Variants in TEX35 observed in about 807,000 individuals in gnomAD.
TEX35 encodes the protein testis expressed 35.
A neutral mutation model predicts 31.9 loss-of-function variants in TEX35; 26 were observed. The ratio of observed to expected loss-of-function variants is 0.81; its 90% confidence interval spans 0.60 to 1.13. The LOEUF (loss-of-function observed/expected upper bound fraction) is 1.13, where lower values mean the gene tolerates loss of function less well. Ranked by LOEUF, TEX35 falls within the 50% of genes most tolerant of loss-of-function variation. The probability of loss-of-function intolerance (pLI) is 0.00; values close to 1 mark genes in which losing one functional copy is unlikely to be tolerated. For missense variants in TEX35, 278 were observed against 273.5 expected, an observed-to-expected ratio of 1.02 and a Z score of -0.12; for synonymous variants, 87 against 90.7, an observed-to-expected ratio of 0.96 and a Z score of 0.23.
chr1:178,514,994 G>A (rs562429737), intron 3 of TEX35, among the ~76,000 whole-genome samples: 20 of 152,220 alleles, frequency 1.3e-4, no homozygotes, highest in Non-Finnish European at 2.4e-4. Flanking sequence ...GAAAGGGGAC[G>A]TTTTCTGGTC....
intron 1 of TEX35, 92 bp downstream of exon 1, chr1:178,513,319 G>C (rs562129769): frequency 6.0e-6 from 9 of 1,489,564 alleles, no homozygotes; most frequent in Non-Finnish European, 8.3e-6. Flanking sequence ...GAGAATGCTC[G>C]CATGAATCTC....
At chr1:178,521,580 T>TG (rs1199613465) in intron 8 of TEX35, 1 of 1,526,390 alleles carries the variant, frequency 6.6e-7, no homozygotes, top group Non-Finnish European at 8.9e-7. Context: ...ACACCAGGTC[T>TG]GGGCACCCTT....
chr1:178,520,805 G>A lies in TEX35; in HGVS notation c.474G>A (p.Lys158=). ...GVNGAPCALH[K]KTMAPQKTKQ... ...ATGGAGCACCCTGTGCTCTTCACAA[G>A]AAGACGATGGCACCACAAAAAACAA... The change falls in exon 7 of 9, where the codon AAG becomes AAA. Residue 158 remains lysine, a synonymous_variant. Transcript: ENST00000319416. The A allele has an allele frequency of 6.2e-7, 1 of 1,614,176 alleles. No homozygotes were observed. Among genetic ancestry groups the A allele is most frequent in the Non-Finnish European group, 8.5e-7 (1 of 1,180,044 alleles).
Position 178,515,842 on chromosome 1 carries a change from C to A in TEX35, c.160-17C>A. 1 of 1,603,948 alleles carries A rather than the reference C, an allele frequency of 6.2e-7. No homozygotes were observed. Among genetic ancestry groups the A allele is most frequent in the South Asian group, 1.1e-5 (1 of 89,846 alleles). Reference sequence around the variant, plus strand: ...GATATTTCTTTCCTCCTTCTCTTCTCCATTTTATTTCCTCAGAATGAACTC... The same window carrying A: ...GATATTTCTTTCCTCCTTCTCTTCTACATTTTATTTCCTCAGAATGAACTC... On this transcript the variant is annotated splice_polypyrimidine_tract_variant and intron_variant, in intron 3 of 8. Coordinates refer to ENST00000319416, the MANE Select transcript of TEX35 (RefSeq NM_032126.5).
intron 5 of TEX35, among the ~76,000 whole-genome samples, chr1:178,518,851 C>A (rs1650170951): frequency 6.6e-6 from 1 of 152,046 alleles, no homozygotes; most frequent in Non-Finnish European, 1.5e-5. Context: ...GCAGGGGAAC[C>A]CCTTAAGCAG....
chr1:178,513,287 T>A (rs375419821), intron 1 of TEX35, 60 bp downstream of exon 1: 348 of 1,603,012 alleles, frequency 2.2e-4, no homozygotes, highest in Non-Finnish European at 2.8e-4. Flanking sequence ...TGAATGGAGA[T>A]GGTGTCGGGG....
Position 178,520,443 on chromosome 1 carries a change from G to A in TEX35, c.341+7G>A. ...CACAGAAGAACTATAAGCTGTAAGT[G>A]TAACCTGCACTCGTCTCTCCTCATC... On this transcript the variant is annotated splice_region_variant and intron_variant, in intron 6 of 8. Transcript: ENST00000319416. 1 of 1,614,128 alleles carries A rather than the reference G, an allele frequency of 6.2e-7. No homozygotes were observed. Among genetic ancestry groups the A allele is most frequent in the Non-Finnish European group, 8.5e-7 (1 of 1,180,004 alleles).
chr1:178,522,104 A>T, intron 8 of TEX35: 1 of 696,350 alleles, frequency 1.4e-6, no homozygotes, highest in Non-Finnish European at 2.3e-6. Flanking sequence ...CGCTCCCTCC[A>T]CATAATCAGC....
intron 4 of TEX35, among the ~76,000 whole-genome samples, 166 bp downstream of exon 4, chr1:178,516,081 T>C (rs1032890555): frequency 2.0e-5 from 3 of 152,244 alleles, no homozygotes; most frequent in Non-Finnish European, 4.4e-5. Context: ...CTTACTTGTT[T>C]GATGCCTAAA....
chr1:178,514,990 G>A (rs1467624341), intron 3 of TEX35, among the ~76,000 whole-genome samples: 2 of 152,200 alleles, frequency 1.3e-5, no homozygotes, highest in East Asian at 3.8e-4. Context: ...AACAGAAAGG[G>A]GACGTTTTCT....
At chr1:178,521,178 C>G (rs1650262375) in intron 7 of TEX35, 44 bp from the exon 8 acceptor site, 1 of 1,613,614 alleles carries the variant, frequency 6.2e-7, no homozygotes, top group Non-Finnish European at 8.5e-7. Flanking sequence ...CCTTCTTGGA[C>G]CAGGGGAAAT....
chr1:178,518,503 A>C (rs535739765), intron 5 of TEX35, among the ~76,000 whole-genome samples: 2 of 152,318 alleles, frequency 1.3e-5, no homozygotes, highest in Admixed American at 6.5e-5. Flanking sequence ...TGAAATACTT[A>C]TATAATAAAA....
At chr1:178,522,849 TAC>T (rs940116474), downstream of TEX35, among the ~76,000 whole-genome samples, 2 of 152,204 alleles carry the variant, frequency 1.3e-5, no homozygotes, top group African/African-American at 4.8e-5. Flanking sequence ...TTTGAAAATG[TAC>T]AGTTATTGAC....
intron 5 of TEX35, among the ~76,000 whole-genome samples, chr1:178,518,810 G>T (rs992376425): frequency 6.6e-6 from 1 of 152,164 alleles, no homozygotes; most frequent in African/African-American, 2.4e-5. Context: ...GGGAGGCTGG[G>T]TATGGAAAGG....
chr1:178,516,375 T>G (rs1050462787), intron 4 of TEX35, among the ~76,000 whole-genome samples: 3 of 152,244 alleles, frequency 2.0e-5, no homozygotes, highest in African/African-American at 7.2e-5. Flanking sequence ...AAGCTCCACA[T>G]GCAGTCTTGC....
chr1:178,516,026 C>T lies in TEX35; in HGVS notation c.216+111C>T, dbSNP rs933392954. 2.0e-5 allele frequency: 18 copies of T among 883,806 alleles called. No individual in the cohort carries two copies. In the African/African-American group the frequency reaches 2.2e-4, roughly 11 times the overall value. The allele number at this position is 883,806 out of a possible 1,614,324, so 54.7% of individuals were successfully genotyped here. Reference sequence around the variant, plus strand: ...GCAGGAATTGCATGGAAAAATGTAACTCAGTCCTAATACCCAGAGCACTTC... The same window carrying T: ...GCAGGAATTGCATGGAAAAATGTAATTCAGTCCTAATACCCAGAGCACTTC... On this transcript the variant is annotated intron_variant, in intron 4 of 8. Transcript: ENST00000319416.
intron 1 of TEX35, 170 bp downstream of exon 1, chr1:178,513,397 C>T (rs1459187045): frequency 5.4e-6 from 5 of 922,244 alleles, no homozygotes; most frequent in Non-Finnish European, 8.3e-6. Flanking sequence ...GGATTAATCC[C>T]TAGCCTTGGG....
At chr1:178,522,044 C>A in intron 8 of TEX35, 1 of 650,930 alleles carries the variant, frequency 1.5e-6, no homozygotes, top group Non-Finnish European at 2.5e-6. Context: ...CTGATGATAG[C>A]GGACGCCAGT....
intron 1 of TEX35, 31 bp from the exon 2 acceptor site, chr1:178,513,996 C>T: frequency 6.2e-7 from 1 of 1,611,368 alleles, no homozygotes; most frequent in South Asian, 1.1e-5. Context: ...TGATGTCTGC[C>T]AGCCTGAATC....
Sources: allele counts gnomAD v4.1 joint callset (sites outside exome capture counted in the v4.1 genomes callset), GRCh38; gene constraint gnomAD v4.1.1; transcripts MANE v1.5; gene names NCBI Gene and HGNC (gene_info 2026-07-23, HGNC 2026-07-21).